Variants in KSR1 observed in about 807,000 individuals in gnomAD.
The protein encoded by KSR1 is kinase suppressor of ras.
KSR1 carries 35 observed loss-of-function variants against 92.9 expected under a neutral mutation model. The ratio of observed to expected loss-of-function variants is 0.38; its 90% CI spans 0.29 to 0.50. The LOEUF (loss-of-function observed/expected upper bound fraction) is 0.50. Among genes scored for constraint, KSR1 ranks in the 20% least tolerant of loss-of-function variants. The pLI is 0.94. For synonymous variants in KSR1, 467 were observed against 472.6 expected (o/e 0.99, Z 0.15); for missense variants, 972 against 1,158.5 (o/e 0.84, Z 2.34).
At chr17:27,470,004 G>A (rs2019897943) in intron 1 of KSR1, among the ~76,000 whole-genome samples, 1 of 149,930 alleles carries the variant, frequency 6.7e-6, no homozygotes, top group Non-Finnish European at 1.5e-5. Flanking sequence ...GTGTGTGTGT[G>A]TGTGTGTGTG....
chr17:27,615,845 A>G (rs1344855908), intron 18 of KSR1, among the ~76,000 whole-genome samples: 2 of 152,216 alleles, frequency 1.3e-5, no homozygotes, highest in Non-Finnish European at 2.9e-5. Flanking sequence ...GCATGCCTAA[A>G]ATAGTTATTA....
In KSR1 at chr17:27,588,555, A is replaced by G; in HGVS notation, c.1046+20A>G. On this transcript the variant is annotated intron_variant, in intron 6 of 20. Coordinates refer to ENST00000644974, the MANE Select transcript of KSR1 (RefSeq NM_001394583.1). ...GCACAGGTAGGCACAGCGGGCCTGGAGGGGGAGCAGGGCACAGCCGGGCTG... is the reference window on the plus strand; with the variant it reads ...GCACAGGTAGGCACAGCGGGCCTGGGGGGGGAGCAGGGCACAGCCGGGCTG... 1 of 1,578,218 alleles carries G rather than the reference A, an allele frequency of 6.3e-7. No homozygotes were observed. The highest frequency in any genetic ancestry group is 8.6e-7 in the Non-Finnish European group (1 of 1,162,418).
chr17:27,562,286 T>TGAA (rs2071863973), intron 2 of KSR1, among the ~76,000 whole-genome samples: 1 of 152,210 alleles, frequency 6.6e-6, no homozygotes, highest in Non-Finnish European at 1.5e-5. Context: ...ATGTGGTGGG[T>TGAA]TTTCTTGTTG....
intron 9 of KSR1, among the ~76,000 whole-genome samples, chr17:27,593,881 G>C (rs1421721243): frequency 2.0e-5 from 3 of 152,204 alleles, no homozygotes; most frequent in African/African-American, 7.2e-5. Flanking sequence ...CCTTCTCACA[G>C]ATGTCACTCG....
chr17:27,601,862 G>A, intron 11 of KSR1: 1 of 1,569,244 alleles, frequency 6.4e-7, no homozygotes, highest in Non-Finnish European at 8.7e-7. Flanking sequence ...TTCTCTTAGT[G>A]GGCTTCACCC....
intron 1 of KSR1, among the ~76,000 whole-genome samples, chr17:27,526,060 CTCTTTCTTTCTCTTTCTTTCTTTCTT>C (rs1280341706): frequency 3.2e-5 from 1 of 31,002 alleles, no homozygotes; most frequent in Non-Finnish European, 5.9e-5. Context: ...CTCTCTCTCT[CTCTTTCTTTCTCTTTCTTTCTTTCTT>C]TCTTTCTTTC....
At chr17:27,616,840 G>A (rs766465784) in intron 18 of KSR1, among the ~76,000 whole-genome samples, 16 of 152,216 alleles carry the variant, frequency 1.1e-4, no homozygotes, top group African/African-American at 1.2e-4. Flanking sequence ...GCTGCTGCCC[G>A]TATATCGAGT....
intron 1 of KSR1, among the ~76,000 whole-genome samples, chr17:27,502,165 G>A (rs1473119865): frequency 1.3e-5 from 2 of 152,252 alleles, no homozygotes; most frequent in East Asian, 3.8e-4. Context: ...AAATGGCAGA[G>A]CTGGAATTCC....
At chr17:27,526,037 CTTTTCTT>C (rs2070260942) in intron 1 of KSR1, among the ~76,000 whole-genome samples, 1 of 95,554 alleles carries the variant, frequency 1.0e-5, no homozygotes, top group Non-Finnish European at 1.9e-5. Flanking sequence ...CTTTTCTTTT[CTTTTCTT>C]TCTCTCTCTC....
intron 1 of KSR1, among the ~76,000 whole-genome samples, chr17:27,460,745 C>T (rs998529015): frequency 5.9e-5 from 9 of 152,138 alleles, no homozygotes; most frequent in Admixed American, 1.3e-4. Flanking sequence ...CCCTATGCCT[C>T]CCAGGAGCAT....
intron 1 of KSR1, among the ~76,000 whole-genome samples, chr17:27,479,065 T>TCCTCCCTCCCTCC (rs2068433950): frequency 8.9e-6 from 1 of 112,770 alleles, no homozygotes; most frequent in Non-Finnish European, 1.9e-5. Context: ...TCCCTCCATC[T>TCCTCCCTCCCTCC]ATGCTCCTCC....
At chr17:27,571,740 A>T (rs573115481) in intron 2 of KSR1, among the ~76,000 whole-genome samples, 2 of 152,300 alleles carry the variant, frequency 1.3e-5, no homozygotes, top group South Asian at 4.1e-4. Context: ...TTGCTTCTTG[A>T]TCTTCCTTCA....
intron 1 of KSR1, among the ~76,000 whole-genome samples, chr17:27,544,354 T>C (rs575374512): frequency 6.6e-6 from 1 of 152,332 alleles, no homozygotes; most frequent in East Asian, 1.9e-4. Flanking sequence ...CTCCATAAAA[T>C]GATACTCTTT....
intron 2 of KSR1, among the ~76,000 whole-genome samples, chr17:27,573,224 C>T (rs964936397): frequency 1.3e-5 from 2 of 152,204 alleles, no homozygotes; most frequent in African/African-American, 4.8e-5. Flanking sequence ...CATGTAAAAG[C>T]CAGCCATTTA....
chr17:27,607,842 T>C, intron 14 of KSR1, 72 bp from the exon 15 acceptor site: 1 of 1,110,520 alleles, frequency 9.0e-7, no homozygotes, highest in Non-Finnish European at 1.3e-6. Flanking sequence ...GTTCTCCCCA[T>C]GGGCTCCACC....
chr17:27,483,538 G>T (rs1056459003), intron 1 of KSR1: 1 of 143,514 alleles, frequency 7.0e-6, no homozygotes, highest in East Asian at 2.1e-4. Context: ...AGTGAGCTGA[G>T]ATTGCGCCAT....
intron 2 of KSR1, among the ~76,000 whole-genome samples, chr17:27,570,530 C>T (rs1194845289): frequency 6.6e-6 from 1 of 152,214 alleles, no homozygotes; most frequent in African/African-American, 2.4e-5. Flanking sequence ...TCTAAACAAG[C>T]TTTCAATCCC....
At chr17:27,519,513 G>C (rs151163470) in intron 1 of KSR1, among the ~76,000 whole-genome samples, 2 of 152,252 alleles carry the variant, frequency 1.3e-5, no homozygotes, top group Non-Finnish European at 2.9e-5. Flanking sequence ...CTCTGACCTG[G>C]CCATGGTGCG....
chr17:27,559,767 C>A lies in KSR1; in HGVS notation c.372+9059C>A, dbSNP rs1028024667. 1.3e-5 allele frequency among the ~76,000 whole-genome samples: 2 copies of A among 152,122 alleles called. No homozygotes were observed. The highest frequency in any genetic ancestry group is 4.8e-5 in the African/African-American group (2 of 41,402). ...TCCGGGAAGGCAAGAGCACACCAGG[C>A]GGAGGGAAGAATATCTGCAGAGACC... On this transcript the variant is annotated intron_variant, in intron 2 of 20. Transcript: ENST00000644974. The surrounding 1 kb of genome is among the most constrained non-coding windows in gnomAD (Gnocchi z 4.2).
Sources: gnomAD v4.1 joint callset for allele counts (sites outside exome capture counted in the v4.1 genomes callset) on GRCh38, gnomAD v4.1.1 for gene constraint, Gnocchi (gnomAD v3.1) non-coding constraint, MANE v1.5 for transcripts, NCBI Gene and HGNC (gene_info 2026-07-23, HGNC 2026-07-21) for gene names.